Variants in ACSS1 observed in about 807,000 individuals in gnomAD.
ACSS1 encodes acyl-CoA synthetase short chain family member 1.
In ACSS1, 42 loss-of-function variants were observed where a neutral mutation model predicts 75.3. The ratio of observed to expected loss-of-function variants is 0.56; its 90% CI spans 0.44 to 0.72. The LOEUF is 0.72. Among genes scored for constraint, ACSS1 ranks in the 30% least tolerant of loss-of-function variants. The pLI is 0.00. For synonymous variants in ACSS1, 380 were observed against 376.8 expected (o/e 1.01, Z -0.10); for missense variants, 782 against 935.7 (o/e 0.84, Z 2.14).
chr20:25,056,943 G>C (rs374702427), intron 1 of ACSS1, among the ~76,000 whole-genome samples: 22 of 152,240 alleles, frequency 1.4e-4, no homozygotes, highest in African/African-American at 4.6e-4. Context: ...CTCCCCCTCG[G>C]TGCCCAGTCA....
chr20:25,020,324 G>A (rs1161067323), intron 6 of ACSS1, among the ~76,000 whole-genome samples, 177 bp from the exon 7 acceptor site: 1 of 151,182 alleles, frequency 6.6e-6, no homozygotes, highest in African/African-American at 2.4e-5. Context: ...AGCCCCATGG[G>A]ACAGGTCCCC....
chr20:25,020,151 C>T lies in ACSS1; in HGVS notation c.1109-4G>A. 2 of 1,614,130 alleles carry T rather than the reference C, an allele frequency of 1.2e-6. No individual in the cohort carries two copies. ...TCTACTGTCTCCCAGTACCGACCTACAGAAAGGCCGAAATTCACTGTCAGC... is the reference window on the plus strand; with the variant it reads ...TCTACTGTCTCCCAGTACCGACCTATAGAAAGGCCGAAATTCACTGTCAGC... On this transcript the variant is annotated splice_region_variant and splice_polypyrimidine_tract_variant and intron_variant, in intron 6 of 13. Coordinates refer to ENST00000323482, the MANE Select transcript of ACSS1 (RefSeq NM_032501.4).
At chr20:25,056,645 ATGAGGAGAC>A (rs1166178753) in intron 1 of ACSS1, among the ~76,000 whole-genome samples, 1 of 152,144 alleles carries the variant, frequency 6.6e-6, no homozygotes, top group Non-Finnish European at 1.5e-5. Context: ...CATCCTCACA[ATGAGGAGAC>A]TGAGGGCTGG....
At chr20:25,053,224 C>T (rs1383833859) in intron 1 of ACSS1, among the ~76,000 whole-genome samples, 3 of 140,578 alleles carry the variant, frequency 2.1e-5, no homozygotes, top group African/African-American at 5.8e-5. Context: ...CCACCACGCT[C>T]GGCTAATTTT....
At chr20:25,013,732 C>A in intron 9 of ACSS1, 70 bp from the exon 10 acceptor site, 1 of 1,540,178 alleles carries the variant, frequency 6.5e-7, no homozygotes, top group African/African-American at 1.4e-5. Context: ...AAATGACAAG[C>A]CCTGCCCTCA....
chr20:25,039,410 A>AT (rs750860491), intron 2 of ACSS1, among the ~76,000 whole-genome samples: 42 of 152,196 alleles, frequency 2.8e-4, no homozygotes, highest in Non-Finnish European at 4.7e-4. Context: ...GAGTTAGTTC[A>AT]CTTTTTTAAT....
In ACSS1 at chr20:25,006,836, T is replaced by C; in HGVS notation, c.*926A>G. On this transcript the variant is annotated 3_prime_UTR_variant, in exon 14 of 14. Coordinates refer to ENST00000323482, the MANE Select transcript of ACSS1 (RefSeq NM_032501.4). ...CACAGAGTGAAGGTCAGGCAGCGTTTGCCAGGATTTGGCTCTGACCAAGTT... is the reference window on the plus strand; with the variant it reads ...CACAGAGTGAAGGTCAGGCAGCGTTCGCCAGGATTTGGCTCTGACCAAGTT... 1 of 1,535,498 alleles carries C rather than the reference T, an allele frequency of 6.5e-7. No individual in the cohort carries two copies. Among genetic ancestry groups the C allele is most frequent in the Non-Finnish European group, 8.7e-7 (1 of 1,146,716 alleles).
intron 2 of ACSS1, among the ~76,000 whole-genome samples, chr20:25,034,458 G>A (rs1383191048): frequency 6.6e-6 from 1 of 151,990 alleles, no homozygotes; most frequent in East Asian, 1.9e-4. Context: ...CCTCCATGAC[G>A]GCACTCGATC....
intron 1 of ACSS1, 52 bp downstream of exon 1, chr20:25,057,717 C>T (rs2089263209): frequency 1.3e-5 from 19 of 1,482,574 alleles, no homozygotes; most frequent in Non-Finnish European, 1.5e-5. Context: ...GCTCCGAGTC[C>T]CCTCGGGACC....
intron 2 of ACSS1, among the ~76,000 whole-genome samples, chr20:25,045,642 T>A (rs769641896): frequency 2.0e-5 from 3 of 152,226 alleles, no homozygotes; most frequent in Non-Finnish European, 4.4e-5. Flanking sequence ...TCGAGTGCTG[T>A]GGCACGAGGC....
intron 2 of ACSS1, among the ~76,000 whole-genome samples, chr20:25,037,649 T>C (rs182435724): frequency 2.0e-5 from 3 of 152,328 alleles, no homozygotes; most frequent in African/African-American, 7.2e-5. Flanking sequence ...GAATTTGATA[T>C]TTTCTTCAGC....
At chr20:25,041,040 C>T (rs192314854) in intron 2 of ACSS1, among the ~76,000 whole-genome samples, 224 of 152,244 alleles carry the variant, frequency 1.5e-3, no homozygotes, top group African/African-American at 4.8e-3. Context: ...GGGTGGATCA[C>T]GAAGTCAGGA....
In ACSS1 at chr20:25,032,188, C is replaced by T. The variant is rs138324584; in HGVS notation, c.432-1230G>A. Among the ~76,000 whole-genome samples, 49 of 152,336 alleles carry T rather than the reference C, an allele frequency of 3.2e-4. No homozygotes were observed. In the East Asian group the frequency reaches 7.1e-3, roughly 22 times the overall value. On this transcript the variant is annotated intron_variant, in intron 2 of 13. Transcript: ENST00000323482. ...ACGTTGCCTATGTCTATGGTGTGCG[C>T]ATGCCCTTCCTCTCTGGCCACTCTG...
intron 1 of ACSS1, among the ~76,000 whole-genome samples, chr20:25,049,344 C>T (rs1213825770): frequency 6.6e-6 from 1 of 152,098 alleles, no homozygotes; most frequent in Non-Finnish European, 1.5e-5. Context: ...GTAGCATTAA[C>T]CCCACAATGT....
At position 25,032,984 on chromosome 20, in the gene ACSS1, C is replaced by T. The variant is rs569539654; in HGVS notation, c.432-2026G>A. 7.9e-5 allele frequency among the ~76,000 whole-genome samples: 12 copies of T among 152,320 alleles called. 1 individual carries two copies. The highest frequency in any genetic ancestry group is 5.2e-4 in the Admixed American group (8 of 15,298). Reference sequence around the variant, plus strand: ...GGACAAAGGCGCCTTTCAGTGGCGCCCCACCCACGCACCCCTTGCCAAGGT... The same window carrying T: ...GGACAAAGGCGCCTTTCAGTGGCGCTCCACCCACGCACCCCTTGCCAAGGT... On this transcript the variant is annotated intron_variant, in intron 2 of 13. Transcript: ENST00000323482.
intron 2 of ACSS1, chr20:25,032,754 A>G: frequency 9.6e-7 from 1 of 1,037,050 alleles, no homozygotes; most frequent in East Asian, 6.1e-5. Flanking sequence ...ACCACAGCAG[A>G]ATGAAAATGA....
chr20:25,009,242 G>A, intron 13 of ACSS1, 28 bp downstream of exon 13: 1 of 1,520,978 alleles, frequency 6.6e-7, no homozygotes, highest in Non-Finnish European at 9.1e-7. Context: ...CAGCAGCACA[G>A]CCCCATCTTT....
At chr20:25,046,663 T>C (rs1037339554) in intron 2 of ACSS1, 2 of 631,310 alleles carry the variant, frequency 3.2e-6, no homozygotes, top group Middle Eastern at 8.1e-4. Flanking sequence ...CAGCCTCAAG[T>C]TCCTTCTCAG....
chr20:25,045,451 GT>G (rs1423147053), intron 2 of ACSS1, among the ~76,000 whole-genome samples: 2 of 152,216 alleles, frequency 1.3e-5, no homozygotes, highest in East Asian at 3.8e-4. Context: ...GAGTCGGGAG[GT>G]TTCCCTTGCC....
Sources: gnomAD v4.1 joint callset for allele counts (sites outside exome capture counted in the v4.1 genomes callset) on GRCh38, gnomAD v4.1.1 for gene constraint, MANE v1.5 for transcripts, NCBI Gene and HGNC (gene_info 2026-07-23, HGNC 2026-07-21) for gene names.